The following NEDD9 variants were observed in gnomAD, a reference collection of about 807,000 sequenced individuals.
The protein encoded by NEDD9 is neural precursor cell expressed, developmentally down-regulated 9, also known as enhancer of filamentation 1.
A neutral mutation model predicts 76.6 loss-of-function variants in NEDD9; 26 were observed. That is an observed-to-expected ratio of 0.34 (90% CI 0.25 to 0.47). The LOEUF (loss-of-function observed/expected upper bound fraction) is 0.47. NEDD9 is among the 20% of genes least tolerant of loss of function. NEDD9 has a pLI of 1.00. For missense variants in NEDD9, 937 were observed against 1,058.5 expected, an observed-to-expected ratio of 0.89 and a Z score of 1.59; for synonymous variants, 392 against 414.2, an observed-to-expected ratio of 0.95 and a Z score of 0.65.
intron 3 of NEDD9, among the ~76,000 whole-genome samples, chr6:11,297,808 C>A (rs190071167): frequency 1.6e-4 from 25 of 151,992 alleles, no homozygotes; most frequent in Admixed American, 1.6e-3. Flanking sequence ...AACTGAGGCA[C>A]AAAGAGGGTT....
intron 3 of NEDD9, among the ~76,000 whole-genome samples, chr6:11,260,110 CT>C (rs1760079397): frequency 6.6e-6 from 1 of 152,146 alleles, no homozygotes; most frequent in South Asian, 2.1e-4. Flanking sequence ...AATTAAATAA[CT>C]GGTAGTCACT....
intron 3 of NEDD9, among the ~76,000 whole-genome samples, chr6:11,285,843 A>G (rs1031824183): frequency 6.6e-6 from 1 of 152,202 alleles, no homozygotes; most frequent in Non-Finnish European, 1.5e-5. Flanking sequence ...ATCTTTCATT[A>G]TATGAATATT....
chr6:11,326,583 G>A (rs1215503693), intron 2 of NEDD9, among the ~76,000 whole-genome samples: 1 of 152,228 alleles, frequency 6.6e-6, no homozygotes. Flanking sequence ...TTTCAGAGCG[G>A]CATGGGTGGT....
intron 2 of NEDD9, among the ~76,000 whole-genome samples, chr6:11,311,885 T>G (rs1313883867): frequency 1.3e-5 from 2 of 152,190 alleles, no homozygotes; most frequent in Non-Finnish European, 2.9e-5. Flanking sequence ...TCCTTTTTCC[T>G]AAACCCAGTG....
chr6:11,257,810 T>TGTGTGTGTGTGTGTGCGC (rs1340885962), intron 3 of NEDD9, among the ~76,000 whole-genome samples: 4 of 151,296 alleles, frequency 2.6e-5, no homozygotes, highest in African/African-American at 7.3e-5. Context: ...TGTGTGTGTG[T>TGTGTGTGTGTGTGTGCGC]GCAGTACGGC....
At chr6:11,294,284 T>C (rs888444700) in intron 3 of NEDD9, among the ~76,000 whole-genome samples, 3 of 152,190 alleles carry the variant, frequency 2.0e-5, no homozygotes, top group South Asian at 2.1e-4. Context: ...CCAGCTAATA[T>C]GGTTTGGCTC....
chr6:11,291,252 C>A (rs868257012), intron 3 of NEDD9, among the ~76,000 whole-genome samples: 1 of 144,948 alleles, frequency 6.9e-6, no homozygotes, highest in Non-Finnish European at 1.5e-5. Flanking sequence ...GAGCACAGGG[C>A]AGAAATAGAA....
intron 2 of NEDD9, among the ~76,000 whole-genome samples, chr6:11,205,923 C>T (rs1255315858): frequency 3.9e-5 from 6 of 152,110 alleles, no homozygotes; most frequent in Admixed American, 1.3e-4. Context: ...CCACTGCGCC[C>T]GACCTACATC....
chr6:11,214,930 C>T (rs999227885), intron 1 of NEDD9, among the ~76,000 whole-genome samples: 5 of 152,122 alleles, frequency 3.3e-5, no homozygotes, highest in Non-Finnish European at 5.9e-5. Flanking sequence ...ATGACATATT[C>T]GTGGGATTTT....
intron 1 of NEDD9, among the ~76,000 whole-genome samples, chr6:11,350,807 C>G (rs1762452480): frequency 6.6e-6 from 1 of 152,072 alleles, no homozygotes; most frequent in South Asian, 2.1e-4. Flanking sequence ...TCGGGATGCC[C>G]TGATACACAT....
At chr6:11,339,447 C>A (rs1762230269) in intron 1 of NEDD9, among the ~76,000 whole-genome samples, 1 of 152,134 alleles carries the variant, frequency 6.6e-6, no homozygotes, top group Admixed American at 6.5e-5. Context: ...TACTCTTTTT[C>A]TACTTGAGGT....
At chr6:11,376,681 T>C (rs73722936) in intron 1 of NEDD9, among the ~76,000 whole-genome samples, 2,564 of 152,326 alleles carry the variant, frequency 0.017, 25 homozygotes, top group Middle Eastern at 0.044. Flanking sequence ...AAACAGAGTG[T>C]AAAAGTTTGT....
intron 2 of NEDD9, among the ~76,000 whole-genome samples, chr6:11,312,404 C>T (rs1419484821): frequency 6.6e-6 from 1 of 152,106 alleles, no homozygotes. Context: ...GACGATGCCT[C>T]CTGCAGTGCT....
intron 1 of NEDD9, among the ~76,000 whole-genome samples, chr6:11,371,920 A>T (rs7775990): frequency 0.029 from 4,349 of 152,292 alleles, 221 homozygotes; most frequent in African/African-American, 0.1. Flanking sequence ...TGCAATGTGT[A>T]ATAATCACAT....
At chr6:11,227,182 T>C (rs1308011273) in intron 1 of NEDD9, among the ~76,000 whole-genome samples, 1 of 152,198 alleles carries the variant, frequency 6.6e-6, no homozygotes, top group Non-Finnish European at 1.5e-5. Context: ...ATGCTTACAA[T>C]ACACATCCAG....
intron 1 of NEDD9, chr6:11,382,088 TG>T: frequency 6.6e-6 from 1 of 152,370 alleles, no homozygotes; most frequent in East Asian, 1.9e-4. Context: ...AGTAGGAGCC[TG>T]AATGAGTCCC....
chr6:11,254,909 A>G (rs1759973936), intron 3 of NEDD9, among the ~76,000 whole-genome samples: 1 of 152,226 alleles, frequency 6.6e-6, no homozygotes, highest in Non-Finnish European at 1.5e-5. Flanking sequence ...AGCTTTCACA[A>G]GTGGTATTTC....
rs1561791500 is a variant in NEDD9 at position 11,213,813 on chromosome 6, C to T, written c.13-86G>A. 1 of 1,184,284 alleles carries T rather than the reference C, an allele frequency of 8.4e-7. No homozygotes were observed. The highest frequency in any genetic ancestry group is 1.2e-6 in the Non-Finnish European group (1 of 829,544). 73.4% of individuals were successfully genotyped at this position (1,184,284 alleles called of 1,614,324 possible). On this transcript the variant is annotated intron_variant, in intron 1 of 6. Transcript: ENST00000379446. This position sits in a 1 kb window ranked among gnomAD's most constrained non-coding sequence, Gnocchi z 5.4. Reference sequence around the variant, plus strand: ...TAAGGCCCGTGCTCTTATGGAAAGGCACACTTCCTGGAAAGAGAGAAGCAT... The same window carrying T: ...TAAGGCCCGTGCTCTTATGGAAAGGTACACTTCCTGGAAAGAGAGAAGCAT...
intron 2 of NEDD9, among the ~76,000 whole-genome samples, chr6:11,334,195 T>C (rs555948890): frequency 7.3e-4 from 111 of 152,348 alleles, no homozygotes; most frequent in African/African-American, 2.6e-3. Flanking sequence ...TAAATGACTA[T>C]ATATGTACAT....
Sources: gnomAD v4.1 joint callset for allele counts (sites outside exome capture counted in the v4.1 genomes callset) on GRCh38, gnomAD v4.1.1 for gene constraint, Gnocchi (gnomAD v3.1) non-coding constraint, MANE v1.5 for transcripts, NCBI Gene and HGNC (gene_info 2026-07-23, HGNC 2026-07-21) for gene names.